LINGO2: variants seen among roughly 807,000 people sequenced by gnomAD.
The protein encoded by LINGO2 is leucine-rich repeat and immunoglobulin-like domain-containing nogo receptor-interacting protein 2.
LINGO2 carries 14 observed loss-of-function variants against 30.6 expected under a neutral mutation model. The ratio of observed to expected loss-of-function variants is 0.46; its 90% CI spans 0.30 to 0.72. LINGO2 has a LOEUF of 0.72. Ranked by LOEUF, LINGO2 falls within the 30% of genes least tolerant of loss-of-function variation. The probability of loss-of-function intolerance (pLI) is 0.07; values close to 1 mark genes in which losing one functional copy is unlikely to be tolerated. For synonymous variants in LINGO2, 317 were observed against 288.5 expected (o/e 1.10, Z -1.00); for missense variants, 729 against 751.7 (o/e 0.97, Z 0.35).
the LINGO2 span, among the ~76,000 whole-genome samples, chr9:28,707,455 C>T: frequency 8.5e-5 from 13 of 152,168 alleles, no homozygotes; most frequent in African/African-American, 2.4e-4. Context: ...GAGAGTCTTT[C>T]GAAGTTAATT....
the LINGO2 span, among the ~76,000 whole-genome samples, chr9:28,928,667 A>C: frequency 6.6e-6 from 1 of 152,166 alleles, no homozygotes; most frequent in Non-Finnish European, 1.5e-5. Context: ...TGGATAGGAT[A>C]AAAGGATTTC....
intron 4 of LINGO2, among the ~76,000 whole-genome samples, chr9:28,131,126 T>C (rs1011195233): frequency 3.3e-5 from 5 of 151,642 alleles, no homozygotes; most frequent in African/African-American, 1.2e-4. Flanking sequence ...CAAGGTTTCC[T>C]GAGAGTGATA....
intron 3 of LINGO2, among the ~76,000 whole-genome samples, chr9:28,351,637 C>A (rs1278331490): frequency 2.7e-5 from 4 of 145,924 alleles, no homozygotes; most frequent in Middle Eastern, 3.5e-3. Context: ...GGAATCCTCC[C>A]TAACTCATTT....
At chr9:28,096,160 G>A (rs1826236765) in intron 4 of LINGO2, among the ~76,000 whole-genome samples, 1 of 151,950 alleles carries the variant, frequency 6.6e-6, no homozygotes, top group Admixed American at 6.6e-5. Context: ...AAACAAAAAG[G>A]ATAGTTCTGT....
chr9:28,673,059 G>A (rs527669985), upstream of LINGO2, among the ~76,000 whole-genome samples: 1 of 152,264 alleles, frequency 6.6e-6, no homozygotes, highest in African/African-American at 2.4e-5. Context: ...TGGGTGAAAT[G>A]TGTTGATAAA....
the LINGO2 span, among the ~76,000 whole-genome samples, chr9:29,207,704 T>C: frequency 3.3e-5 from 5 of 152,080 alleles, no homozygotes; most frequent in South Asian, 2.1e-4. Flanking sequence ...AATACACTTA[T>C]AGTTTTTACT....
At chr9:28,719,528 G>A in the LINGO2 span, among the ~76,000 whole-genome samples, 1 of 151,894 alleles carries the variant, frequency 6.6e-6, no homozygotes, top group African/African-American at 2.4e-5. Context: ...CTTCTATAAG[G>A]CATTTGGCCA....
At chr9:28,415,884 G>A (rs1435779608) in intron 2 of LINGO2, among the ~76,000 whole-genome samples, 1 of 152,080 alleles carries the variant, frequency 6.6e-6, no homozygotes, top group East Asian at 1.9e-4. Context: ...TATCTTTTTA[G>A]TATATTTATA....
chr9:27,972,971 A>G (rs919346070), intron 5 of LINGO2, among the ~76,000 whole-genome samples: 2 of 151,896 alleles, frequency 1.3e-5, no homozygotes, highest in African/African-American at 2.4e-5. Context: ...AAAAAAGCAA[A>G]TTTTCTCTCC....
intron 2 of LINGO2, among the ~76,000 whole-genome samples, chr9:28,394,222 A>AT (rs1252905545): frequency 6.6e-6 from 1 of 152,176 alleles, no homozygotes; most frequent in Non-Finnish European, 1.5e-5. Context: ...TTCCAACGCA[A>AT]TGCTTCACTT....
chr9:27,981,534 CA>C (rs763284293), intron 5 of LINGO2, among the ~76,000 whole-genome samples: 121 of 39,866 alleles, frequency 3.0e-3, no homozygotes, highest in Admixed American at 9.0e-3. Context: ...ACGAGGATGG[CA>C]AAAAAAAAAA....
chr9:29,203,482 C>G, the LINGO2 span, among the ~76,000 whole-genome samples: 1 of 152,130 alleles, frequency 6.6e-6, no homozygotes, highest in African/African-American at 2.4e-5. Flanking sequence ...GCTTTATGAC[C>G]CATGTATCTT....
the LINGO2 span, among the ~76,000 whole-genome samples, chr9:29,202,250 G>A: frequency 6.6e-6 from 1 of 151,762 alleles, no homozygotes; most frequent in Admixed American, 6.6e-5. Context: ...CAGGAATTTT[G>A]GAATGATTTA....
chr9:28,617,143 A>G (rs1432499301), intron 1 of LINGO2, among the ~76,000 whole-genome samples: 3 of 152,170 alleles, frequency 2.0e-5, no homozygotes, highest in Non-Finnish European at 4.4e-5. Flanking sequence ...GATTTAGCTA[A>G]TAACATATTA....
the LINGO2 span, among the ~76,000 whole-genome samples, chr9:29,023,487 G>C: frequency 4.0e-5 from 6 of 151,890 alleles, no homozygotes; most frequent in Admixed American, 2.0e-4. Flanking sequence ...ATTGAATCTA[G>C]TTAGCACTCT....
chr9:28,994,386 A>G, the LINGO2 span, among the ~76,000 whole-genome samples: 1 of 152,176 alleles, frequency 6.6e-6, no homozygotes, highest in South Asian at 2.1e-4. Context: ...AAGAAATGGA[A>G]GAACATTCCA....
the LINGO2 span, among the ~76,000 whole-genome samples, chr9:29,191,658 T>G: frequency 4.6e-5 from 7 of 152,172 alleles, no homozygotes; most frequent in Admixed American, 3.3e-4. Context: ...CTGTCTAGTT[T>G]CTCTACATCA....
chr9:28,824,145 A>AACTTTTGTTATTCTATG, the LINGO2 span, among the ~76,000 whole-genome samples: 23 of 152,304 alleles, frequency 1.5e-4, no homozygotes, highest in African/African-American at 5.5e-4. Context: ...TCACGGTAAT[A>AACTTTTGTTATTCTATG]ACTGACAAAA....
intron 2 of LINGO2, among the ~76,000 whole-genome samples, chr9:28,399,968 A>C (rs1034933766): frequency 2.6e-5 from 4 of 152,190 alleles, no homozygotes; most frequent in Admixed American, 2.0e-4. Context: ...TAGTTTATAA[A>C]ATTAAAACGA....
Sources: allele counts gnomAD v4.1 joint callset (sites outside exome capture counted in the v4.1 genomes callset), GRCh38; gene constraint gnomAD v4.1.1; transcripts MANE v1.5; gene names NCBI Gene and HGNC (gene_info 2026-07-23, HGNC 2026-07-21).